The following GALNT17 variants were observed in gnomAD, a reference collection of about 807,000 sequenced individuals.
GALNT17 encodes the protein polypeptide N-acetylgalactosaminyltransferase 17.
Under a neutral mutation model 63.7 loss-of-function variants are expected in GALNT17, and 29 were observed. That is an observed-to-expected ratio of 0.46 (90% confidence interval 0.34 to 0.62). GALNT17 has a LOEUF of 0.62. GALNT17 is among the 20% of genes least tolerant of loss of function. The probability of loss-of-function intolerance (pLI) is 0.01; values close to 1 mark genes in which losing one functional copy is unlikely to be tolerated. For synonymous variants in GALNT17, 305 were observed against 318.3 expected (o/e 0.96, Z 0.45); for missense variants, 603 against 799.6 (o/e 0.75, Z 2.97).
intron 1 of GALNT17, among the ~76,000 whole-genome samples, chr7:71,165,096 A>G (rs1445393535): frequency 6.6e-6 from 1 of 152,246 alleles, no homozygotes; most frequent in Non-Finnish European, 1.5e-5. Flanking sequence ...CTTGAAGAAG[A>G]TGAATATTTA....
At chr7:71,191,147 A>C (rs1443349561) in intron 1 of GALNT17, among the ~76,000 whole-genome samples, 1 of 152,194 alleles carries the variant, frequency 6.6e-6, no homozygotes, top group African/African-American at 2.4e-5. Context: ...TATGTAACCC[A>C]CAGTCTACCA....
intron 5 of GALNT17, among the ~76,000 whole-genome samples, chr7:71,495,097 A>G (rs568626851): frequency 6.6e-6 from 1 of 152,212 alleles, no homozygotes; most frequent in African/African-American, 2.4e-5. Flanking sequence ...ACATAGTGAA[A>G]CCCTGTCTCT....
chr7:71,286,462 T>G (rs567017639), intron 1 of GALNT17, among the ~76,000 whole-genome samples: 1 of 152,366 alleles, frequency 6.6e-6, no homozygotes, highest in East Asian at 1.9e-4. Context: ...TTTATTTTCT[T>G]TCCTCTCCAC....
At chr7:71,207,738 G>T (rs13231872) in intron 1 of GALNT17, among the ~76,000 whole-genome samples, 2 of 152,100 alleles carry the variant, frequency 1.3e-5, no homozygotes, top group African/African-American at 4.8e-5. Flanking sequence ...TGGGAGCCTT[G>T]TGTGCCCATT....
Position 71,373,668 on chromosome 7 carries a change from G to A in GALNT17, c.423-14567G>A, listed in dbSNP as rs368429704. Among the ~76,000 whole-genome samples, 51 of 152,256 alleles carry A rather than the reference G, an allele frequency of 3.3e-4. No homozygotes were observed. In the East Asian group the frequency reaches 6.8e-3, roughly 20 times the overall value. ...TAGGAGTATTGTGAATTCTGCATACGAGGGATCTATTTCATAGGCTGCACA... is the reference window on the plus strand; with the variant it reads ...TAGGAGTATTGTGAATTCTGCATACAAGGGATCTATTTCATAGGCTGCACA... On this transcript the variant is annotated intron_variant, in intron 2 of 10. Coordinates refer to ENST00000333538, the MANE Select transcript of GALNT17 (RefSeq NM_022479.3).
At chr7:71,505,385 G>C (rs1379778307) in intron 5 of GALNT17, among the ~76,000 whole-genome samples, 1 of 152,074 alleles carries the variant, frequency 6.6e-6, no homozygotes, top group Non-Finnish European at 1.5e-5. Context: ...GATCACTTGA[G>C]GCCAAGAGTT....
chr7:71,239,296 C>CCCCA lies in GALNT17; in HGVS notation c.239-96251_239-96250insACCC, dbSNP rs1562939603. On this transcript the variant is annotated intron_variant, in intron 1 of 10. Coordinates refer to ENST00000333538, the MANE Select transcript of GALNT17 (RefSeq NM_022479.3). ...GCAACATGGTGAGACCCTGTCTGTA[C>CCCCA]CCCCCCCCAAAAAAAAATAAATAAA... 2.0e-3 allele frequency among the ~76,000 whole-genome samples: 81 copies of CCCCA among 40,650 alleles called. 1 individual carries two copies. Among genetic ancestry groups the CCCCA allele is most frequent in the African/African-American group, 5.9e-3 (77 of 12,970 alleles). 26.7% of individuals were successfully genotyped at this position (40,650 alleles called of 152,430 possible). A position where few individuals can be genotyped will look rare whatever the true frequency, so the allele number is the denominator to read the frequency against.
At chr7:71,491,581 T>G (rs1788009153) in intron 5 of GALNT17, among the ~76,000 whole-genome samples, 1 of 152,142 alleles carries the variant, frequency 6.6e-6, no homozygotes, top group South Asian at 2.1e-4. Flanking sequence ...CCGGATAGGT[T>G]AGCTTGCTGA....
chr7:71,202,738 T>G (rs919758020), intron 1 of GALNT17, among the ~76,000 whole-genome samples: 1 of 152,194 alleles, frequency 6.6e-6, no homozygotes, highest in African/African-American at 2.4e-5. Context: ...AACTTATCCC[T>G]CCCGTCAAAC....
chr7:71,340,309 C>G (rs990844274), intron 2 of GALNT17, among the ~76,000 whole-genome samples: 1 of 152,138 alleles, frequency 6.6e-6, no homozygotes, highest in Admixed American at 6.5e-5. Context: ...ATAGAGGTGG[C>G]CTTGGACAGA....
chr7:71,698,123 C>CAAA (rs10708106), intron 9 of GALNT17, among the ~76,000 whole-genome samples: 18 of 107,718 alleles, frequency 1.7e-4, no homozygotes, highest in South Asian at 2.9e-4. Flanking sequence ...GACTCTGTCT[C>CAAA]AAAAAAAAAA....
chr7:71,212,536 C>T (rs1789400670), intron 1 of GALNT17, among the ~76,000 whole-genome samples: 1 of 152,134 alleles, frequency 6.6e-6, no homozygotes, highest in Non-Finnish European at 1.5e-5. Context: ...CACCAGACTC[C>T]AGAATGATAG....
chr7:71,408,942 T>A (rs1489186029), intron 3 of GALNT17, among the ~76,000 whole-genome samples: 2 of 151,516 alleles, frequency 1.3e-5, no homozygotes, highest in Admixed American at 1.3e-4. Context: ...ATGTATTTTA[T>A]ATATATATAC....
At chr7:71,628,908 G>C (rs576136375) in intron 6 of GALNT17, among the ~76,000 whole-genome samples, 120 of 152,198 alleles carry the variant, frequency 7.9e-4, no homozygotes, top group African/African-American at 2.6e-3. Context: ...CCTCAGCCTG[G>C]ATGACAGCGA....
At chr7:71,253,328 A>T (rs1311365767) in intron 1 of GALNT17, among the ~76,000 whole-genome samples, 1 of 152,124 alleles carries the variant, frequency 6.6e-6, no homozygotes, top group Non-Finnish European at 1.5e-5. Flanking sequence ...TTAGAAGGGG[A>T]AACCCCTTAT....
At chr7:71,551,413 T>C (rs1789073681) in intron 5 of GALNT17, among the ~76,000 whole-genome samples, 1 of 152,218 alleles carries the variant, frequency 6.6e-6, no homozygotes, top group African/African-American at 2.4e-5. Flanking sequence ...CCAATAAGTC[T>C]GATAGTTCCA....
intron 6 of GALNT17, among the ~76,000 whole-genome samples, chr7:71,598,246 G>C (rs1789916948): frequency 6.6e-6 from 1 of 152,128 alleles, no homozygotes; most frequent in Non-Finnish European, 1.5e-5. Flanking sequence ...CCGGCCGGTA[G>C]TTTCATTGCT....
At chr7:71,185,841 A>G (rs553886428) in intron 1 of GALNT17, among the ~76,000 whole-genome samples, 8 of 152,252 alleles carry the variant, frequency 5.3e-5, no homozygotes, top group Non-Finnish European at 8.8e-5. Context: ...CCATTTCCCT[A>G]TCTGCAAAAT....
chr7:71,270,946 A>AG (rs1391536931), intron 1 of GALNT17, among the ~76,000 whole-genome samples: 2 of 151,622 alleles, frequency 1.3e-5, no homozygotes, highest in Admixed American at 1.3e-4. Context: ...CAGAGAAAAA[A>AG]AAAAGAAGAA....
Sources: gnomAD v4.1 joint callset for allele counts (sites outside exome capture counted in the v4.1 genomes callset) on GRCh38, gnomAD v4.1.1 for gene constraint, MANE v1.5 for transcripts, NCBI Gene and HGNC (gene_info 2026-07-23, HGNC 2026-07-21) for gene names.